Variants in EXD1 observed in about 807,000 individuals in gnomAD.
EXD1 encodes the protein piRNA biogenesis protein EXD1.
A neutral mutation model predicts 49.1 loss-of-function variants in EXD1; 63 were observed. The ratio of observed to expected loss-of-function variants is 1.28; its 90% CI spans 1.05 to 1.58. EXD1 has a LOEUF of 1.58. Among genes scored for constraint, EXD1 ranks in the 40% most tolerant of loss-of-function variants. The probability of loss-of-function intolerance (pLI) is 0.00; values close to 1 mark genes in which losing one functional copy is unlikely to be tolerated. For missense variants in EXD1, 748 were observed against 666.0 expected (o/e 1.12, Z -1.36); for synonymous variants, 234 against 239.2 (o/e 0.98, Z 0.20).
At chr15:41,198,558 G>T (rs771140748) in intron 7 of EXD1, among the ~76,000 whole-genome samples, 6 of 151,824 alleles carry the variant, frequency 4.0e-5, no homozygotes, top group Non-Finnish European at 8.8e-5. Flanking sequence ...GAGCATGGTG[G>T]TGCACCTGTG....
intron 10 of EXD1, chr15:41,190,395 C>T (rs2046493918): frequency 5.1e-6 from 2 of 391,736 alleles, no homozygotes; most frequent in African/African-American, 4.1e-5. Flanking sequence ...ATCGCTTAAA[C>T]CTGGGAGGCG....
At chr15:41,185,322 A>C (rs1459206477) in intron 11 of EXD1, among the ~76,000 whole-genome samples, 5 of 151,076 alleles carry the variant, frequency 3.3e-5, no homozygotes, top group Admixed American at 2.6e-4. Context: ...TATCTCTTTC[A>C]GGTTTTGGGA....
At chr15:41,186,470 C>CAAAAAAAAAAAAAAA (rs58793050) in intron 11 of EXD1, among the ~76,000 whole-genome samples, 28 of 68,220 alleles carry the variant, frequency 4.1e-4, no homozygotes, top group East Asian at 1.1e-3. Context: ...GACTCTGTCT[C>CAAAAAAAAAAAAAAA]AAAAAAAAAA....
intron 7 of EXD1, among the ~76,000 whole-genome samples, chr15:41,203,109 T>G (rs899800271): frequency 6.6e-6 from 1 of 152,094 alleles, no homozygotes; most frequent in Non-Finnish European, 1.5e-5. Context: ...TGGGAAATAC[T>G]GACAGAAAGA....
chr15:41,230,334 C>T (rs1197373795), intron 1 of EXD1, 145 bp downstream of exon 1: 5 of 742,248 alleles, frequency 6.7e-6, no homozygotes, highest in Non-Finnish European at 1.1e-5. Context: ...CTGCCCACCT[C>T]GGCCTCCCAA....
intron 1 of EXD1, among the ~76,000 whole-genome samples, chr15:41,229,648 AC>A (rs1318116649): frequency 1.3e-5 from 2 of 152,048 alleles, no homozygotes; most frequent in African/African-American, 4.8e-5. Context: ...CATGCCTGTA[AC>A]CCCAGCTACT....
At chr15:41,228,424 C>A (rs140401323) in intron 1 of EXD1, among the ~76,000 whole-genome samples, 9 of 152,124 alleles carry the variant, frequency 5.9e-5, no homozygotes, top group African/African-American at 2.2e-4. Context: ...ACCTAATTTA[C>A]AAATGAAGAA....
chr15:41,199,747 T>TGCGA (rs558589077), intron 7 of EXD1, among the ~76,000 whole-genome samples: 5 of 99,762 alleles, frequency 5.0e-5, no homozygotes, highest in East Asian at 8.3e-4. Context: ...ATGTCATATA[T>TGCGA]TATATATGAT....
At position 41,192,594 on chromosome 15, in the gene EXD1, A is replaced by ATTTTT. The variant is rs59054803; in HGVS notation, c.721-1014_721-1010dup. ...ACAGGCGTGAACCACTGCGCCAGGC[A>ATTTTT]TTTTTTTTTTTTTTTTTTTTTTTTT... On this transcript the variant is annotated intron_variant, in intron 9 of 11. Transcript: ENST00000458580. 4.6e-4 allele frequency among the ~76,000 whole-genome samples: 19 copies of ATTTTT among 40,878 alleles called. 6 individuals are homozygous for ATTTTT. The highest frequency in any genetic ancestry group is 1.8e-3 in the East Asian group (2 of 1,116). 26.8% of individuals were successfully genotyped at this position (40,878 alleles called of 152,430 possible).
intron 2 of EXD1, among the ~76,000 whole-genome samples, chr15:41,225,620 T>C (rs1413468577): frequency 7.1e-6 from 1 of 141,470 alleles, no homozygotes; most frequent in East Asian, 2.1e-4. Context: ...CGGTGGCTCA[T>C]GCCTATAATC....
At chr15:41,206,779 G>A (rs1386289576) in intron 7 of EXD1, among the ~76,000 whole-genome samples, 2 of 149,748 alleles carry the variant, frequency 1.3e-5, no homozygotes, top group African/African-American at 4.9e-5. Context: ...GCGCCACCAC[G>A]CCTGGCTAAT....
chr15:41,182,912 A>T lies in EXD1; in HGVS notation c.*1019T>A, dbSNP rs2046345016. The T allele has an allele frequency of 6.6e-6, 1 of 152,238 alleles. No homozygotes were observed. The highest frequency in any genetic ancestry group is 2.4e-5 in the African/African-American group (1 of 41,462). The allele number at this position is 152,238 out of a possible 1,614,324, so 9.4% of individuals were successfully genotyped here. On this transcript the variant is annotated 3_prime_UTR_variant, in exon 12 of 12. Coordinates refer to ENST00000458580, the MANE Select transcript of EXD1 (RefSeq NM_001286441.2). ...GGCTTCAAGTTTATATAACAGACAGACTAAAAAGAAACCCAGGGTCCCTGC... is the reference window on the plus strand; with the variant it reads ...GGCTTCAAGTTTATATAACAGACAGTCTAAAAAGAAACCCAGGGTCCCTGC...
At chr15:41,218,513 C>T (rs1334010373) in intron 3 of EXD1, among the ~76,000 whole-genome samples, 1 of 142,660 alleles carries the variant, frequency 7.0e-6, no homozygotes, top group Non-Finnish European at 1.5e-5. Flanking sequence ...AAAGTATGAA[C>T]GAAGGCCAAA....
At chr15:41,219,109 T>TG (rs2047049014) in intron 3 of EXD1, among the ~76,000 whole-genome samples, 1 of 152,142 alleles carries the variant, frequency 6.6e-6, no homozygotes, top group African/African-American at 2.4e-5. Flanking sequence ...AGCAAGAACA[T>TG]TTCTTGCTTT....
rs944534297 is a variant in EXD1 at position 41,188,749 on chromosome 15, T to C, written c.1056+1188A>G. Among the ~76,000 whole-genome samples, 3 of 151,956 alleles carry C rather than the reference T, an allele frequency of 2.0e-5. No individual in the cohort carries two copies. In the East Asian group the frequency reaches 5.8e-4, roughly 30 times the overall value. On this transcript the variant is annotated intron_variant, in intron 11 of 11. Transcript: ENST00000458580. ...TATTCATAGTATGCTTGAAAAATGA[T>C]TGAAATTCTCAGTTTAATAGTTTAA...
At chr15:41,191,903 A>G (rs940281220) in intron 9 of EXD1, 1 of 219,156 alleles carries the variant, frequency 4.6e-6, no homozygotes, top group African/African-American at 2.3e-5. Context: ...CAGCCACCCG[A>G]GTAGCTGGGA....
At chr15:41,221,826 A>G (rs77624846) in intron 2 of EXD1, among the ~76,000 whole-genome samples, 24,774 of 151,832 alleles carry the variant, frequency 0.16, 3,759 homozygotes, top group African/African-American at 0.4. Flanking sequence ...ACTAAGGCCA[A>G]GCGCGGTGGT....
intron 11 of EXD1, among the ~76,000 whole-genome samples, chr15:41,187,073 A>G (rs2046421932): frequency 6.7e-6 from 1 of 149,766 alleles, no homozygotes; most frequent in Non-Finnish European, 1.5e-5. Context: ...TAGTAGAGAT[A>G]TGGTTTCTCT....
intron 9 of EXD1, among the ~76,000 whole-genome samples, chr15:41,193,941 A>T (rs1450133635): frequency 6.7e-6 from 1 of 149,722 alleles, no homozygotes. Context: ...TAAGTTAAGG[A>T]TTTTGAGATG....
Sources: allele counts gnomAD v4.1 joint callset (sites outside exome capture counted in the v4.1 genomes callset), GRCh38; gene constraint gnomAD v4.1.1; transcripts MANE v1.5; gene names NCBI Gene and HGNC (gene_info 2026-07-23, HGNC 2026-07-21).